PTPRD: variants seen among roughly 807,000 people sequenced by gnomAD.
PTPRD encodes the protein protein tyrosine phosphatase receptor type D, also known as receptor-type tyrosine-protein phosphatase delta.
A neutral mutation model predicts 214.5 loss-of-function variants in PTPRD; 34 were observed. The ratio of observed to expected loss-of-function variants is 0.16; its 90% CI spans 0.12 to 0.21. PTPRD has a LOEUF of 0.21. Among genes scored for constraint, PTPRD ranks in the 10% least tolerant of loss-of-function variants. The pLI, the probability that PTPRD is intolerant of heterozygous loss-of-function variation, is 1.00. For synonymous variants in PTPRD, 1,128 were observed against 845.7 expected, an observed-to-expected ratio of 1.33 and a Z score of -5.79; for missense variants, 2,545 against 2,398.7, an observed-to-expected ratio of 1.06 and a Z score of -1.27.
chr9:10,185,573 T>C (rs294851), intron 3 of PTPRD, among the ~76,000 whole-genome samples: 8,053 of 152,210 alleles, frequency 0.053, 287 homozygotes, highest in Admixed American at 0.1. Context: ...CCAGGGAGAA[T>C]TGGTAACTTG....
chr9:9,915,846 G>A (rs900380621), intron 5 of PTPRD, among the ~76,000 whole-genome samples: 12 of 151,916 alleles, frequency 7.9e-5, no homozygotes, highest in African/African-American at 2.9e-4. Flanking sequence ...TAGAGGGATG[G>A]ACATCCAGAT....
At chr9:10,291,435 T>A (rs775738798) in intron 3 of PTPRD, among the ~76,000 whole-genome samples, 2 of 152,106 alleles carry the variant, frequency 1.3e-5, no homozygotes, top group Non-Finnish European at 2.9e-5. Flanking sequence ...GATATTGAGA[T>A]GGGAAGATGA....
chr9:8,592,818 A>G (rs1351946825), intron 14 of PTPRD, among the ~76,000 whole-genome samples: 1 of 152,266 alleles, frequency 6.6e-6, no homozygotes, highest in Non-Finnish European at 1.5e-5. Flanking sequence ...ATTACATAAT[A>G]TAGACTCAAC....
intron 7 of PTPRD, among the ~76,000 whole-genome samples, chr9:9,665,765 T>C (rs1264638728): frequency 1.3e-5 from 2 of 151,906 alleles, no homozygotes; most frequent in African/African-American, 2.4e-5. Flanking sequence ...CAAAATGAGA[T>C]TGATGTTTTA....
At chr9:10,365,478 C>T (rs559641785) in intron 2 of PTPRD, among the ~76,000 whole-genome samples, 76 of 152,286 alleles carry the variant, frequency 5.0e-4, no homozygotes, top group African/African-American at 1.6e-3. Flanking sequence ...TTCAGCTTGA[C>T]AGTTTTTATT....
intron 2 of PTPRD, among the ~76,000 whole-genome samples, chr9:10,492,152 G>A (rs1007522124): frequency 6.6e-6 from 1 of 152,090 alleles, no homozygotes; most frequent in African/African-American, 2.4e-5. Flanking sequence ...TTGCTACTAG[G>A]AACAGCGCCA....
intron 9 of PTPRD, among the ~76,000 whole-genome samples, chr9:9,359,829 G>T (rs879794483): frequency 4.0e-5 from 6 of 151,214 alleles, no homozygotes; most frequent in Non-Finnish European, 7.4e-5. Context: ...CCTGCTGCGT[G>T]GAGGCAATAT....
At chr9:9,579,812 C>T (rs1318701548) in intron 7 of PTPRD, among the ~76,000 whole-genome samples, 1 of 152,068 alleles carries the variant, frequency 6.6e-6, no homozygotes, top group Non-Finnish European at 1.5e-5. Context: ...GAATAATATC[C>T]ATTGTACCCA....
intron 43 of PTPRD, among the ~76,000 whole-genome samples, chr9:8,336,715 G>A (rs1025329703): frequency 6.7e-6 from 1 of 149,678 alleles, no homozygotes; most frequent in African/African-American, 2.5e-5. Context: ...ACCTGACAAA[G>A]GGCTAATATC....
chr9:8,612,593 G>T (rs1017091894), intron 14 of PTPRD, among the ~76,000 whole-genome samples: 4 of 152,216 alleles, frequency 2.6e-5, no homozygotes, highest in African/African-American at 9.7e-5. Context: ...CAAGACAGAA[G>T]AATAAGTTAA....
chr9:9,227,123 T>C (rs2099959992), intron 9 of PTPRD, among the ~76,000 whole-genome samples: 3 of 152,110 alleles, frequency 2.0e-5, no homozygotes, highest in South Asian at 4.1e-4. Flanking sequence ...GGCTTACAAA[T>C]GAGGTGAAGT....
intron 3 of PTPRD, among the ~76,000 whole-genome samples, chr9:10,174,994 CA>C (rs1051732046): frequency 2.0e-5 from 3 of 152,024 alleles, no homozygotes; most frequent in Admixed American, 1.3e-4. Flanking sequence ...TTATTAAATA[CA>C]TTTCTTAAAA....
At chr9:10,502,541 G>A (rs2044134904) in intron 2 of PTPRD, among the ~76,000 whole-genome samples, 1 of 151,974 alleles carries the variant, frequency 6.6e-6, no homozygotes. Context: ...GTTCTCATAA[G>A]TTCTGCCAGC....
chr9:9,432,208 G>T (rs2083465685), intron 8 of PTPRD, among the ~76,000 whole-genome samples: 1 of 151,878 alleles, frequency 6.6e-6, no homozygotes, highest in Non-Finnish European at 1.5e-5. Flanking sequence ...GAAGGTAAAT[G>T]GGATTGAACA....
chr9:10,497,492 T>A (rs960937086), intron 2 of PTPRD, among the ~76,000 whole-genome samples: 1 of 152,034 alleles, frequency 6.6e-6, no homozygotes, highest in Non-Finnish European at 1.5e-5. Context: ...TGCAGGAGGT[T>A]AGTCATCTGG....
chr9:9,199,749 G>A (rs1274001830), intron 9 of PTPRD, among the ~76,000 whole-genome samples: 2 of 151,940 alleles, frequency 1.3e-5, no homozygotes, highest in Non-Finnish European at 2.9e-5. Context: ...TCAAATTTAA[G>A]TTTCAAAAAT....
intron 44 of PTPRD, among the ~76,000 whole-genome samples, chr9:8,327,224 T>G (rs1834815004): frequency 6.6e-6 from 1 of 151,838 alleles, no homozygotes; most frequent in Non-Finnish European, 1.5e-5. Flanking sequence ...TTCTGGTACA[T>G]TGTGTCTTTG....
intron 22 of PTPRD, among the ~76,000 whole-genome samples, chr9:8,506,685 G>A (rs1166447905): frequency 6.6e-6 from 1 of 152,154 alleles, no homozygotes; most frequent in Non-Finnish European, 1.5e-5. Flanking sequence ...CCTTAGAACA[G>A]TGCCCATTAA....
At chr9:10,573,658 C>T (rs1229177331) in intron 2 of PTPRD, among the ~76,000 whole-genome samples, 1 of 152,090 alleles carries the variant, frequency 6.6e-6, no homozygotes, top group East Asian at 1.9e-4. Flanking sequence ...GAATCCTGCA[C>T]GGGGCTACAG....
Sources: allele counts gnomAD v4.1 joint callset (sites outside exome capture counted in the v4.1 genomes callset), GRCh38; gene constraint gnomAD v4.1.1; transcripts MANE v1.5; gene names NCBI Gene and HGNC (gene_info 2026-07-23, HGNC 2026-07-21).